The following MAPKAP1 variants were observed in gnomAD, a reference collection of about 807,000 sequenced individuals.
The protein encoded by MAPKAP1 is MAPK associated protein 1, also known as target of rapamycin complex 2 subunit MAPKAP1.
Under a neutral mutation model 65.7 loss-of-function variants are expected in MAPKAP1, and 20 were observed. That is an observed-to-expected ratio of 0.30 (90% CI 0.21 to 0.44). The LOEUF (loss-of-function observed/expected upper bound fraction) is 0.44, where lower values mean the gene tolerates loss of function less well. Among genes scored for constraint, MAPKAP1 ranks in the 20% least tolerant of loss-of-function variants. The pLI is 1.00. For missense variants in MAPKAP1, 423 were observed against 648.0 expected (o/e 0.65, Z 3.77); for synonymous variants, 222 against 244.3 (o/e 0.91, Z 0.85).
chr9:125,451,741 T>C (rs1275572542), intron 10 of MAPKAP1, among the ~76,000 whole-genome samples: 1 of 152,052 alleles, frequency 6.6e-6, no homozygotes, highest in Non-Finnish European at 1.5e-5. Flanking sequence ...TGATCATCTA[T>C]TGCTTTTTCT....
intron 4 of MAPKAP1, among the ~76,000 whole-genome samples, chr9:125,608,780 A>AT (rs1832513595): frequency 6.6e-6 from 1 of 152,222 alleles, no homozygotes; most frequent in Non-Finnish European, 1.5e-5. Flanking sequence ...GTAAACCGCT[A>AT]TTTCCACAGA....
At chr9:125,545,384 C>G (rs1392287173) in intron 6 of MAPKAP1, among the ~76,000 whole-genome samples, 2 of 152,196 alleles carry the variant, frequency 1.3e-5, no homozygotes, top group African/African-American at 2.4e-5. Context: ...GCCAGTCAAC[C>G]ACGTTCAGAT....
intron 5 of MAPKAP1, among the ~76,000 whole-genome samples, chr9:125,583,084 A>C (rs946641389): frequency 6.6e-6 from 1 of 152,240 alleles, no homozygotes; most frequent in Non-Finnish European, 1.5e-5. Context: ...TTTCTAGTCC[A>C]CCAGGATGCT....
At chr9:125,532,132 G>A (rs1005141750) in intron 7 of MAPKAP1, among the ~76,000 whole-genome samples, 1 of 152,064 alleles carries the variant, frequency 6.6e-6, no homozygotes, top group African/African-American at 2.4e-5. Context: ...GAATCAAAGG[G>A]TCTGGGTTCA....
chr9:125,575,095 T>C (rs1282625115), intron 5 of MAPKAP1, among the ~76,000 whole-genome samples: 3 of 152,248 alleles, frequency 2.0e-5, no homozygotes, highest in Admixed American at 1.3e-4. Flanking sequence ...CTCAGGCCTA[T>C]GATTCTAGTA....
At chr9:125,456,538 T>C (rs1445228455) in intron 10 of MAPKAP1, among the ~76,000 whole-genome samples, 1 of 152,236 alleles carries the variant, frequency 6.6e-6, no homozygotes, top group Non-Finnish European at 1.5e-5. Context: ...ACCTAGCGAC[T>C]TGCTTCTAAT....
At chr9:125,482,609 T>C (rs1354547533) in intron 9 of MAPKAP1, among the ~76,000 whole-genome samples, 1 of 152,244 alleles carries the variant, frequency 6.6e-6, no homozygotes, top group East Asian at 1.9e-4. Context: ...TTGTCATTCA[T>C]AGGTTCTTGG....
chr9:125,563,438 TAGG>T (rs1830951752), intron 5 of MAPKAP1, among the ~76,000 whole-genome samples: 1 of 152,244 alleles, frequency 6.6e-6, no homozygotes, highest in Non-Finnish European at 1.5e-5. Context: ...TTGATTTCTC[TAGG>T]AGAATAGCTT....
chr9:125,488,746 C>G (rs10117812), intron 8 of MAPKAP1, among the ~76,000 whole-genome samples: 103,707 of 152,086 alleles, frequency 0.68, 35,511 homozygotes, highest in Middle Eastern at 0.74. Flanking sequence ...CCCATGCTAG[C>G]AGTATGCTAG....
intron 9 of MAPKAP1, among the ~76,000 whole-genome samples, chr9:125,482,690 GA>G (rs1244306666): frequency 6.6e-6 from 1 of 152,094 alleles, no homozygotes; most frequent in Admixed American, 6.5e-5. Context: ...GTTGATAAGG[GA>G]AAAAATGAGT....
chr9:125,693,782 C>T lies in MAPKAP1; in HGVS notation c.-70+13189G>A, dbSNP rs182906933. Reference sequence around the variant, plus strand: ...ATACACGTATATACACATATATACACGTATATATATACACACATATATATA... The same window carrying T: ...ATACACGTATATACACATATATACATGTATATATATACACACATATATATA... On this transcript the variant is annotated intron_variant, in intron 1 of 11. Coordinates refer to ENST00000265960, the MANE Select transcript of MAPKAP1 (RefSeq NM_001006617.3). Among the ~76,000 whole-genome samples, 108 of 150,180 alleles carry T rather than the reference C, an allele frequency of 7.2e-4. 2 individuals carry two copies. In the East Asian group the frequency reaches 0.018, roughly 25 times the overall value.
At chr9:125,651,882 AGGC>A (rs1833903891) in intron 4 of MAPKAP1, among the ~76,000 whole-genome samples, 2 of 152,214 alleles carry the variant, frequency 1.3e-5, no homozygotes, top group Admixed American at 6.5e-5. Flanking sequence ...CTTAGGCTGA[AGGC>A]CACTGCCTCA....
rs1330337910 is a variant in MAPKAP1 at position 125,689,254 on chromosome 9, G to A, written c.-69-16611C>T. On this transcript the variant is annotated intron_variant, in intron 1 of 11. Coordinates refer to ENST00000265960, the MANE Select transcript of MAPKAP1 (RefSeq NM_001006617.3). ...AGATAGAGAACATCCTGGCTAACAC[G>A]GTGAAACCCCACCTCTACTAAAAAT... Among the ~76,000 whole-genome samples, 6 of 151,196 alleles carry A rather than the reference G, an allele frequency of 4.0e-5. No homozygotes were observed. In the South Asian group the frequency reaches 8.4e-4, roughly 21 times the overall value.
chr9:125,576,699 TTGG>T (rs1831412788), intron 5 of MAPKAP1, among the ~76,000 whole-genome samples: 2 of 152,240 alleles, frequency 1.3e-5, no homozygotes, highest in Non-Finnish European at 2.9e-5. Context: ...TTGTATTTTT[TTGG>T]TGGAGACGGG....
At chr9:125,474,674 A>G (rs143625001) in intron 9 of MAPKAP1, among the ~76,000 whole-genome samples, 2 of 152,274 alleles carry the variant, frequency 1.3e-5, no homozygotes, top group African/African-American at 4.8e-5. Context: ...GGTACTCTTA[A>G]AATACCCCCT....
At chr9:125,444,655 CTCCA>C in intron 10 of MAPKAP1, 57 bp from the exon 11 acceptor site, 1 of 1,203,036 alleles carries the variant, frequency 8.3e-7, no homozygotes, top group Non-Finnish European at 1.2e-6. Context: ...TGGCGGGGGC[CTCCA>C]TATGTTCTCC....
intron 7 of MAPKAP1, among the ~76,000 whole-genome samples, chr9:125,508,894 A>G (rs977097272): frequency 2.0e-5 from 3 of 152,222 alleles, no homozygotes; most frequent in African/African-American, 4.8e-5. Flanking sequence ...ACGGGGACTG[A>G]TTAAATAAAA....
intron 1 of MAPKAP1, among the ~76,000 whole-genome samples, chr9:125,698,309 AT>A (rs1446788436): frequency 0.016 from 1,224 of 77,192 alleles, 55 homozygotes; most frequent in Admixed American, 0.022. Context: ...ATATATATAT[AT>A]ATATATATAT....
chr9:125,620,401 A>C (rs751946226), intron 4 of MAPKAP1, among the ~76,000 whole-genome samples: 2 of 152,262 alleles, frequency 1.3e-5, no homozygotes, highest in Non-Finnish European at 2.9e-5. Flanking sequence ...AGTGTCTTAC[A>C]TTGCTGGTAG....
Sources: allele counts gnomAD v4.1 joint callset (sites outside exome capture counted in the v4.1 genomes callset), GRCh38; gene constraint gnomAD v4.1.1; transcripts MANE v1.5; gene names NCBI Gene and HGNC (gene_info 2026-07-23, HGNC 2026-07-21).